The following VAV2 variants were observed in gnomAD, a reference collection of about 807,000 sequenced individuals.
VAV2 encodes vav guanine nucleotide exchange factor 2, also known as guanine nucleotide exchange factor VAV2.
In VAV2, 67 loss-of-function variants were observed where a neutral mutation model predicts 132.5. That is an observed-to-expected ratio of 0.51 (90% CI 0.42 to 0.62). The LOEUF (loss-of-function observed/expected upper bound fraction) is 0.62, where lower values mean the gene tolerates loss of function less well. Ranked by LOEUF, VAV2 falls within the 20% of genes least tolerant of loss-of-function variation. The pLI is 0.00. For synonymous variants in VAV2, 492 were observed against 443.5 expected (o/e 1.11, Z -1.37); for missense variants, 938 against 1,153.6 (o/e 0.81, Z 2.71).
intron 2 of VAV2, among the ~76,000 whole-genome samples, chr9:133,889,876 C>A (rs1294183906): frequency 6.6e-6 from 1 of 152,174 alleles, no homozygotes; most frequent in Non-Finnish European, 1.5e-5. Context: ...GACCCCACAG[C>A]TTCCATGAAA....
rs752163114 is a variant in VAV2 at position 133,762,987 on chromosome 9, T to C, written c.*1075A>G. The C allele has an allele frequency of 4.6e-5, 7 of 151,646 alleles. No homozygotes were observed. The highest frequency in any genetic ancestry group is 1.9e-4 in the East Asian group (1 of 5,130). The allele number at this position is 151,646 out of a possible 1,614,324, so 9.4% of individuals were successfully genotyped here. ...CCAGCCAGAAGTCGAAGGCCAGGAG[T>C]TGTGGCTGGGGGAGGTAATGGGGTA... On this transcript the variant is annotated 3_prime_UTR_variant, in exon 30 of 30. Coordinates refer to ENST00000371850, the MANE Select transcript of VAV2 (RefSeq NM_001134398.2). This position sits in a 1 kb window ranked among gnomAD's most constrained non-coding sequence, Gnocchi z 5.0.
In VAV2 at chr9:133,884,358, A is replaced by G. The variant is rs1838617217; in HGVS notation, c.322-22926T>C. 6.6e-6 allele frequency among the ~76,000 whole-genome samples: 1 copy of G among 152,202 alleles called. No individual in the cohort carries two copies. The highest frequency in any genetic ancestry group is 1.5e-5 in the Non-Finnish European group (1 of 68,022). ...CAGGCTCCTCCAAAGTACAACTCAA[A>G]GGACGCTCATCAAAGCAGTGCTTCC... On this transcript the variant is annotated intron_variant, in intron 2 of 29. Coordinates refer to ENST00000371850, the MANE Select transcript of VAV2 (RefSeq NM_001134398.2). This position sits in a 1 kb window ranked among gnomAD's most constrained non-coding sequence, Gnocchi z 5.3.
chr9:133,981,318 C>T (rs1472365111), intron 1 of VAV2, among the ~76,000 whole-genome samples: 1 of 152,266 alleles, frequency 6.6e-6, no homozygotes, highest in Non-Finnish European at 1.5e-5. Flanking sequence ...CCACTATACC[C>T]GTGCAGTGTC....
intron 1 of VAV2, among the ~76,000 whole-genome samples, chr9:133,986,883 A>G (rs907638850): frequency 2.0e-5 from 3 of 151,800 alleles, no homozygotes; most frequent in African/African-American, 7.3e-5. Flanking sequence ...ATCAACATCC[A>G]CTGGGGTCCT....
intron 3 of VAV2, among the ~76,000 whole-genome samples, chr9:133,838,072 G>A (rs571718641): frequency 5.3e-5 from 8 of 152,202 alleles, no homozygotes; most frequent in African/African-American, 1.9e-4. Context: ...GGCCGCTGGC[G>A]CAGGAATATG....
In VAV2 at chr9:133,816,235, GAT is replaced by G. The variant is rs1835554741; in HGVS notation, c.450-4021_450-4020del. On this transcript the variant is annotated intron_variant, in intron 4 of 29. Transcript: ENST00000371850. ...CTTCACATATTCTGGATACTAGTCA[GAT>G]ATGTTTTGTGATTCTTCCCCCAGTC... 2.0e-5 allele frequency among the ~76,000 whole-genome samples: 3 copies of G among 152,200 alleles called. No homozygotes were observed. The South Asian group carries it at 6.2e-4, about 31-fold the overall frequency.
At chr9:133,907,383 C>G (rs1300255681) in intron 2 of VAV2, among the ~76,000 whole-genome samples, 1 of 152,206 alleles carries the variant, frequency 6.6e-6, no homozygotes, top group Non-Finnish European at 1.5e-5. Context: ...CGGTTCAAGC[C>G]CAGGCCGATC....
At chr9:133,814,679 G>C (rs932990180) in intron 4 of VAV2, among the ~76,000 whole-genome samples, 13 of 152,382 alleles carry the variant, frequency 8.5e-5, no homozygotes, top group African/African-American at 3.1e-4. Context: ...ATGGCAAACG[G>C]CCACACTGTG....
rs1224092504 is a variant in VAV2, at chr9:133,811,597, G to A, written c.552+517C>T. ...ACCCACGCGGAGCAAACTGGCGTCC[G>A]AGAGATTATTCGCCAGTGCCTGCTT... On this transcript the variant is annotated intron_variant, in intron 5 of 29. Transcript: ENST00000371850. 2.0e-5 allele frequency among the ~76,000 whole-genome samples: 3 copies of A among 152,208 alleles called. No homozygotes were observed. The South Asian group carries it at 6.2e-4, about 32-fold the overall frequency.
chr9:133,789,157 A>G, intron 14 of VAV2, 101 bp downstream of exon 14: 1 of 1,276,292 alleles, frequency 7.8e-7, no homozygotes, highest in South Asian at 1.3e-5. Context: ...CTCTTTCCAC[A>G]GGAAGGCCTG....
At position 133,919,788 on chromosome 9, in the gene VAV2, TG is replaced by T. The variant is rs1436063842; in HGVS notation, c.321+19314del. ...TCTTGGCATCCGTGAGGCAGAGACATGGAAGATGGAAGGTCCCCGCTGCCCC... is the reference window on the plus strand; with the variant it reads ...TCTTGGCATCCGTGAGGCAGAGACATGAAGATGGAAGGTCCCCGCTGCCCC... On this transcript the variant is annotated intron_variant, in intron 2 of 29. Coordinates refer to ENST00000371850, the MANE Select transcript of VAV2 (RefSeq NM_001134398.2). This position sits in a 1 kb window ranked among gnomAD's most constrained non-coding sequence, Gnocchi z 5.8. Among the ~76,000 whole-genome samples, 6 of 152,118 alleles carry T rather than the reference TG, an allele frequency of 3.9e-5. No individual in the cohort carries two copies. Among genetic ancestry groups the T allele is most frequent in the African/African-American group, 1.4e-4 (6 of 41,406 alleles).
At chr9:133,960,924 GGCCTTGGAGAA>G (rs768458052) in intron 1 of VAV2, among the ~76,000 whole-genome samples, 43 of 152,338 alleles carry the variant, frequency 2.8e-4, no homozygotes, top group Non-Finnish European at 4.9e-4. Context: ...TGCTCGAGCC[GGCCTTGGAGAA>G]GCCCAGGAGG....
At position 133,794,424 on chromosome 9, in the gene VAV2, A is replaced by ATT. The variant is rs1460555655; in HGVS notation, c.1101+1242_1101+1243dup. Among the ~76,000 whole-genome samples the ATT allele has an allele frequency of 6.6e-6, 1 of 151,998 alleles. No individual in the cohort carries two copies. The highest frequency in any genetic ancestry group is 1.5e-5 in the Non-Finnish European group (1 of 67,982). On this transcript the variant is annotated intron_variant, in intron 12 of 29. Transcript: ENST00000371850. This position sits in a 1 kb window ranked among gnomAD's most constrained non-coding sequence, Gnocchi z 4.6. The stretch of plus-strand genomic sequence containing the variant: ...CGAGTGCCCACAGGATTTGGAGTAA[A>ATT]TTTCTCCCCGAGCACAAGCCCTGCT...
rs1486327962 is a variant in VAV2, at chr9:133,883,135, T to C, written c.322-21703A>G. ...CTCTCTCTGGATCCTTCCCTCCTAA[T>C]TGGCATGGAAAGTCAAGTCCCTGAG... On this transcript the variant is annotated intron_variant, in intron 2 of 29. Transcript: ENST00000371850. This position sits in a 1 kb window ranked among gnomAD's most constrained non-coding sequence, Gnocchi z 4.2. 6.6e-6 allele frequency among the ~76,000 whole-genome samples: 1 copy of C among 152,162 alleles called. No homozygotes were observed. The highest frequency in any genetic ancestry group is 2.4e-5 in the African/African-American group (1 of 41,432).
chr9:133,922,617 C>T (rs1840335627), intron 2 of VAV2, among the ~76,000 whole-genome samples: 1 of 152,212 alleles, frequency 6.6e-6, no homozygotes, highest in African/African-American at 2.4e-5. Flanking sequence ...CGTTCCAACA[C>T]ATGGTGCTGG....
At position 133,796,473 on chromosome 9, in the gene VAV2, C is replaced by G. The variant is rs143721504; in HGVS notation, c.988G>C (p.Val330Leu). 7.3e-5 allele frequency: 117 copies of G among 1,613,776 alleles called. No individual in the cohort carries two copies. The highest frequency in any genetic ancestry group is 9.2e-5 in the Non-Finnish European group (108 of 1,179,992). Residue 330 changes from valine (V) to leucine (L), a missense_variant, in exon 11 of 30, where the codon GTG (valine) becomes CTG (leucine). Val to Leu is a conservative substitution (Grantham distance 32). Coordinates refer to ENST00000371850, the MANE Select transcript of VAV2 (RefSeq NM_001134398.2). ...DGKFKLQDLL[V>L]VPMQRVLKYH... ...TTGAGCACCCTCTGCATGGGGACCA[C>G]CAGCAGGTCTTGCAGCTTAAATTTT...
chr9:133,901,932 G>A (rs1025502487), intron 2 of VAV2, among the ~76,000 whole-genome samples: 3 of 152,160 alleles, frequency 2.0e-5, no homozygotes, highest in African/African-American at 4.8e-5. Context: ...GAGATGGGCC[G>A]ACGTCCCTAC....
In VAV2 at chr9:133,809,030, C is replaced by G. The variant is rs765328099; in HGVS notation, c.666+10G>C. 2 of 1,611,864 alleles carry G rather than the reference C, an allele frequency of 1.2e-6. No individual in the cohort carries two copies. The highest frequency in any genetic ancestry group is 1.7e-6 in the Non-Finnish European group (2 of 1,178,444). ...GCTGCCATTTTCCAGTGGCCGCCAT[C>G]TGCCCTCACCTTCTCAATGTCCTCC... On this transcript the variant is annotated intron_variant, in intron 7 of 29. Transcript: ENST00000371850.
At chr9:133,792,569 G>T (rs984629545) in intron 12 of VAV2, among the ~76,000 whole-genome samples, 49 of 151,578 alleles carry the variant, frequency 3.2e-4, no homozygotes, top group African/African-American at 1.2e-3. Context: ...GGTGGGGTGT[G>T]TCTGACTGTG....
Sources: allele counts gnomAD v4.1 joint callset (sites outside exome capture counted in the v4.1 genomes callset), GRCh38; gene constraint gnomAD v4.1.1; non-coding constraint Gnocchi (gnomAD v3.1); transcripts MANE v1.5; gene names NCBI Gene and HGNC (gene_info 2026-07-23, HGNC 2026-07-21).